MGMT: variants seen among roughly 807,000 people sequenced by gnomAD.
MGMT encodes the protein methylated-DNA--protein-cysteine methyltransferase.
In MGMT, 14 loss-of-function variants were observed where a neutral mutation model predicts 15.9. The observed-to-expected ratio is 0.88, with a 90% confidence interval of 0.58 to 1.37. The LOEUF (loss-of-function observed/expected upper bound fraction) is 1.37. Ranked by LOEUF, MGMT falls within the 40% of genes most tolerant of loss-of-function variation. MGMT has a pLI of 0.00. For missense variants in MGMT, 282 were observed against 268.1 expected (o/e 1.05, Z -0.36); for synonymous variants, 130 against 118.2 (o/e 1.10, Z -0.65).
chr10:129,480,681 C>T (rs2119634742), intron 1 of MGMT, among the ~76,000 whole-genome samples: 1 of 152,214 alleles, frequency 6.6e-6, no homozygotes, highest in East Asian at 1.9e-4. Flanking sequence ...AGTTGGAGAC[C>T]AGCCTGGGCA....
intron 2 of MGMT, among the ~76,000 whole-genome samples, chr10:129,671,592 G>A (rs138605188): frequency 9.8e-5 from 15 of 152,310 alleles, no homozygotes; most frequent in South Asian, 6.2e-4. Context: ...TTGAGAAAAT[G>A]TTTGCCAACC....
At chr10:129,746,225 C>T (rs1171174738) in intron 3 of MGMT, among the ~76,000 whole-genome samples, 1 of 134,186 alleles carries the variant, frequency 7.5e-6, no homozygotes, top group Non-Finnish European at 1.5e-5. Context: ...GGGGACAGAG[C>T]GAGACTCTGT....
chr10:129,690,018 T>C (rs1405469636), intron 2 of MGMT, among the ~76,000 whole-genome samples: 1 of 152,238 alleles, frequency 6.6e-6, no homozygotes, highest in Non-Finnish European at 1.5e-5. Context: ...ATGTTTGTTG[T>C]TGAATCCTAG....
chr10:129,677,454 A>G (rs958095795), intron 2 of MGMT, among the ~76,000 whole-genome samples: 1 of 152,198 alleles, frequency 6.6e-6, no homozygotes, highest in Non-Finnish European at 1.5e-5. Flanking sequence ...AGCCAACCTC[A>G]GGTTTTCGCA....
intron 3 of MGMT, among the ~76,000 whole-genome samples, chr10:129,731,355 AC>A (rs1848495008): frequency 7.7e-6 from 1 of 129,768 alleles, no homozygotes; most frequent in Non-Finnish European, 1.6e-5. Flanking sequence ...TAAACCTAAG[AC>A]TTTTTTTTTT....
At chr10:129,587,655 A>T (rs1411793012) in intron 2 of MGMT, among the ~76,000 whole-genome samples, 1 of 151,150 alleles carries the variant, frequency 6.6e-6, no homozygotes, top group Admixed American at 6.6e-5. Flanking sequence ...TGCCCAGCTA[A>T]TTTTTATATT....
At chr10:129,488,262 C>T (rs1845433749) in intron 1 of MGMT, among the ~76,000 whole-genome samples, 1 of 152,172 alleles carries the variant, frequency 6.6e-6, no homozygotes, top group South Asian at 2.1e-4. Flanking sequence ...ATGCTACTAA[C>T]ACTGCTAACC....
At chr10:129,518,568 C>CGCT (rs1845769642) in intron 1 of MGMT, among the ~76,000 whole-genome samples, 1 of 30 alleles carries the variant, frequency 0.033, no homozygotes, top group African/African-American at 0.17. Context: ...CCTCCCTTCC[C>CGCT]CCTCCCCCTC....
chr10:129,597,625 C>T (rs975797253), intron 2 of MGMT, among the ~76,000 whole-genome samples: 3 of 152,202 alleles, frequency 2.0e-5, no homozygotes, highest in African/African-American at 4.8e-5. Flanking sequence ...TGCTCTTCCC[C>T]TCTGTGACTG....
intron 2 of MGMT, among the ~76,000 whole-genome samples, chr10:129,645,150 T>C (rs1847372754): frequency 6.9e-6 from 1 of 145,932 alleles, no homozygotes; most frequent in African/African-American, 2.6e-5. Context: ...GATGGAGTCT[T>C]GCTCTGTCAC....
chr10:129,738,996 C>G (rs1158758554), intron 3 of MGMT, among the ~76,000 whole-genome samples: 1 of 152,202 alleles, frequency 6.6e-6, no homozygotes, highest in African/African-American at 2.4e-5. Flanking sequence ...AAGGCTGGTT[C>G]AACATACACA....
chr10:129,536,131 G>T, intron 1 of MGMT, 110 bp from the exon 2 acceptor site: 2 of 1,234,448 alleles, frequency 1.6e-6, no homozygotes, highest in South Asian at 2.8e-5. Context: ...AAATGAGGAA[G>T]AGCTTTGGAA....
intron 2 of MGMT, among the ~76,000 whole-genome samples, chr10:129,705,923 C>A (rs561821090): frequency 6.6e-6 from 1 of 152,244 alleles, no homozygotes. Context: ...CAGGGCCGGG[C>A]AGACAGGCTG....
intron 1 of MGMT, among the ~76,000 whole-genome samples, chr10:129,523,219 A>T (rs888291060): frequency 6.6e-6 from 1 of 152,226 alleles, no homozygotes; most frequent in African/African-American, 2.4e-5. Flanking sequence ...CTCGGCGGGC[A>T]CAGGCGGGAG....
chr10:129,757,492 CTG>C (rs1312289217), intron 3 of MGMT, among the ~76,000 whole-genome samples: 1 of 152,222 alleles, frequency 6.6e-6, no homozygotes, highest in African/African-American at 2.4e-5. Flanking sequence ...ACCACCAACT[CTG>C]TGTTCGCCGA....
At chr10:129,668,447 T>C (rs1326912540) in intron 2 of MGMT, among the ~76,000 whole-genome samples, 1 of 152,332 alleles carries the variant, frequency 6.6e-6, no homozygotes, top group Non-Finnish European at 1.5e-5. Flanking sequence ...TGTTTTTTGT[T>C]GTTTGGGTTT....
At chr10:129,643,168 C>T (rs1323521225) in intron 2 of MGMT, among the ~76,000 whole-genome samples, 1 of 152,072 alleles carries the variant, frequency 6.6e-6, no homozygotes, top group Non-Finnish European at 1.5e-5. Context: ...ATCCTTGGGC[C>T]CATGCTGTGG....
At chr10:129,656,065 A>C (rs1201131649) in intron 2 of MGMT, among the ~76,000 whole-genome samples, 1 of 152,236 alleles carries the variant, frequency 6.6e-6, no homozygotes, top group Non-Finnish European at 1.5e-5. Flanking sequence ...TTAACCAGAC[A>C]CATCACAGAT....
At chr10:129,654,545 C>A (rs1564749885) in intron 2 of MGMT, among the ~76,000 whole-genome samples, 1 of 152,186 alleles carries the variant, frequency 6.6e-6, no homozygotes, top group East Asian at 1.9e-4. Flanking sequence ...GATCGAGACA[C>A]CAGCCTCAGC....
Sources: gnomAD v4.1 joint callset for allele counts (sites outside exome capture counted in the v4.1 genomes callset) on GRCh38, gnomAD v4.1.1 for gene constraint, MANE v1.5 for transcripts, NCBI Gene and HGNC (gene_info 2026-07-23, HGNC 2026-07-21) for gene names.